The following SLC15A5 variants were observed in gnomAD, a reference collection of about 807,000 sequenced individuals.
The protein encoded by SLC15A5 is solute carrier family 15 member 5.
A neutral mutation model predicts 56.1 loss-of-function variants in SLC15A5; 58 were observed. That is an observed-to-expected ratio of 1.03 (90% confidence interval 0.84 to 1.29). SLC15A5 has a LOEUF of 1.29. Ranked by LOEUF, SLC15A5 falls within the 50% of genes most tolerant of loss-of-function variation. The probability of loss-of-function intolerance (pLI) is 0.00; values close to 1 mark genes in which losing one functional copy is unlikely to be tolerated. For synonymous variants in SLC15A5, 264 were observed against 250.5 expected, an observed-to-expected ratio of 1.05 and a Z score of -0.51; for missense variants, 681 against 672.1, an observed-to-expected ratio of 1.01 and a Z score of -0.15.
chr12:16,273,271 C>CT lies in SLC15A5; in HGVS notation c.362-489dup, dbSNP rs747119195. On this transcript the variant is annotated intron_variant, in intron 1 of 8. Coordinates refer to ENST00000344941, the MANE Select transcript of SLC15A5 (RefSeq NM_001170798.1). ...TATCAGAGTTAGAGGAGAACACAGC[C>CT]TTTTTTTTTTTCTTTCCTACTTCTG... is the stretch of plus-strand genomic sequence containing the variant. Among the ~76,000 whole-genome samples, 406 of 146,350 alleles carry CT rather than the reference C, an allele frequency of 2.8e-3. 2 individuals carry two copies. Among genetic ancestry groups the CT allele is most frequent in the Non-Finnish European group, 4.8e-3 (320 of 66,142 alleles).
rs560359691 is a variant in SLC15A5, at chr12:16,231,577, C to G, written c.1163-6975G>C. Among the ~76,000 whole-genome samples the G allele has an allele frequency of 3.9e-5, 6 of 152,282 alleles. No homozygotes were observed. The South Asian group carries it at 1.2e-3, about 32-fold the overall frequency. ...GGTGGGGTAACACTCAGAAGGAAAACTGCAAGGACTGGTTGAAAGTCTGTG... is the reference window on the plus strand; with the variant it reads ...GGTGGGGTAACACTCAGAAGGAAAAGTGCAAGGACTGGTTGAAAGTCTGTG... On this transcript the variant is annotated intron_variant, in intron 5 of 8. Coordinates refer to ENST00000344941, the MANE Select transcript of SLC15A5 (RefSeq NM_001170798.1).
intron 3 of SLC15A5, among the ~76,000 whole-genome samples, chr12:16,247,464 T>C (rs1380880256): frequency 2.6e-5 from 4 of 152,150 alleles, no homozygotes; most frequent in African/African-American, 4.8e-5. Context: ...AAACTCCTGA[T>C]TCTTCTTTGT....
intron 5 of SLC15A5, among the ~76,000 whole-genome samples, chr12:16,234,824 T>G (rs1864331339): frequency 6.6e-6 from 1 of 152,172 alleles, no homozygotes; most frequent in Non-Finnish European, 1.5e-5. Context: ...GAAGCTGAAC[T>G]TATACTAAAA....
intron 3 of SLC15A5, among the ~76,000 whole-genome samples, chr12:16,255,719 T>C (rs1424529309): frequency 6.6e-6 from 1 of 152,020 alleles, no homozygotes; most frequent in Non-Finnish European, 1.5e-5. Flanking sequence ...CATATGGAAC[T>C]GGTAAAATAA....
chr12:16,224,590 A>G lies in SLC15A5; in HGVS notation c.1175T>C (p.Leu392Pro). 6.5e-7 allele frequency: 1 copy of G among 1,529,774 alleles called. No individual in the cohort carries two copies. Among genetic ancestry groups the G allele is most frequent in the East Asian group, 2.5e-5 (1 of 40,816 alleles). The allele number at this position is 1,529,774 out of a possible 1,614,324, so 94.8% of individuals were successfully genotyped here. ...FLSTCIIAGN[L>P]FAALSVMIAG... ...TATCATCACAGACAATGCAGCAAAA[A>G]GATTTCCAGCAACTGAAGGAAAATA... is the stretch of plus-strand genomic sequence containing the variant. Residue 392 changes from leucine to proline, a missense_variant, in exon 6 of 9, where the codon CTT becomes CCT. Transcript: ENST00000344941.
chr12:16,241,649 T>C (rs1018341856), intron 4 of SLC15A5, among the ~76,000 whole-genome samples: 3 of 152,182 alleles, frequency 2.0e-5, no homozygotes, highest in Admixed American at 2.0e-4. Flanking sequence ...TTATTAAGCA[T>C]GGATCCCCCA....
In SLC15A5 at chr12:16,235,228, A is replaced by G. The variant is rs1864338023; in HGVS notation, c.1162+4453T>C. 6.7e-6 allele frequency among the ~76,000 whole-genome samples: 1 copy of G among 150,004 alleles called. No individual in the cohort carries two copies. Among genetic ancestry groups the G allele is most frequent in the African/African-American group, 2.4e-5 (1 of 40,968 alleles). On this transcript the variant is annotated intron_variant, in intron 5 of 8. Transcript: ENST00000344941. This position sits in a 1 kb window ranked among gnomAD's most constrained non-coding sequence, Gnocchi z 4.1. ...CATGTTTTTATACATAATATATACA[A>G]AACACGACATGTTATAAGTATATAT...
rs917739972 is a variant in SLC15A5 at position 16,235,246 on chromosome 12, GTATA to G, written c.1162+4431_1162+4434del. On this transcript the variant is annotated intron_variant, in intron 5 of 8. Transcript: ENST00000344941. This position sits in a 1 kb window ranked among gnomAD's most constrained non-coding sequence, Gnocchi z 4.1. Reference sequence around the variant, plus strand: ...ATATACAAAACACGACATGTTATAAGTATATATGTGTATATATATGTATATGTAT... The same window carrying G: ...ATATACAAAACACGACATGTTATAAGTATGTGTATATATATGTATATGTAT... Among the ~76,000 whole-genome samples the G allele has an allele frequency of 3.2e-5, 4 of 124,224 alleles. No individual in the cohort carries two copies. The highest frequency in any genetic ancestry group is 1.2e-4 in the African/African-American group (4 of 34,278). 81.5% of individuals were successfully genotyped at this position (124,224 alleles called of 152,430 possible).
At chr12:16,220,263 C>G (rs1864172798) in intron 6 of SLC15A5, among the ~76,000 whole-genome samples, 1 of 152,178 alleles carries the variant, frequency 6.6e-6, no homozygotes, top group African/African-American at 2.4e-5. Flanking sequence ...TTCATGCTGT[C>G]ATCTGCCAAT....
In SLC15A5 at chr12:16,241,658, C is replaced by T. The variant is rs140581107; in HGVS notation, c.976-1791G>A. Among the ~76,000 whole-genome samples the T allele has an allele frequency of 1.3e-3, 196 of 152,282 alleles. 6 individuals are homozygous for T. The East Asian group carries it at 0.027, about 21-fold the overall frequency. On this transcript the variant is annotated intron_variant, in intron 4 of 8. Transcript: ENST00000344941. ...ATAAAATTATTAAGCATGGATCCCC[C>T]ATCGGAGGAAAATGAATGATGTGTT...
chr12:16,272,174 TCC>T (rs1302061693), intron 2 of SLC15A5, among the ~76,000 whole-genome samples: 2 of 152,118 alleles, frequency 1.3e-5, no homozygotes, highest in African/African-American at 4.8e-5. Flanking sequence ...GGAGGTATTA[TCC>T]CCCTTCAGAA....
chr12:16,226,488 A>G (rs1184391415), intron 5 of SLC15A5, among the ~76,000 whole-genome samples: 1 of 152,196 alleles, frequency 6.6e-6, no homozygotes, highest in Non-Finnish European at 1.5e-5. Context: ...AAGTTCAAAT[A>G]TAAAATTATC....
chr12:16,233,272 C>A (rs190346421), intron 5 of SLC15A5, among the ~76,000 whole-genome samples: 4 of 152,004 alleles, frequency 2.6e-5, no homozygotes, highest in South Asian at 2.1e-4. Context: ...TATTTTTTTT[C>A]TCTGTAAAAG....
intron 2 of SLC15A5, among the ~76,000 whole-genome samples, chr12:16,260,887 T>C (rs977089112): frequency 2.0e-5 from 3 of 152,126 alleles, no homozygotes; most frequent in African/African-American, 7.2e-5. Context: ...TACAATACCA[T>C]TTATTGAGAA....
At chr12:16,192,711 T>C (rs1308337578) in intron 8 of SLC15A5, among the ~76,000 whole-genome samples, 1 of 152,088 alleles carries the variant, frequency 6.6e-6, no homozygotes, top group Non-Finnish European at 1.5e-5. Flanking sequence ...ACCTGAACTC[T>C]GTGCATGACT....
chr12:16,189,293 T>A lies in SLC15A5; in HGVS notation c.*375A>T, dbSNP rs1303232909. On this transcript the variant is annotated 3_prime_UTR_variant, in exon 9 of 9. Coordinates refer to ENST00000344941, the MANE Select transcript of SLC15A5 (RefSeq NM_001170798.1). Reference sequence around the variant, plus strand: ...ACTAAGTGTATTGAAAGAGAGTATATTAAAATACTGTCATTTTGCTTCTAA... The same window carrying A: ...ACTAAGTGTATTGAAAGAGAGTATAATAAAATACTGTCATTTTGCTTCTAA... 2 of 155,482 alleles carry A rather than the reference T, an allele frequency of 1.3e-5. No homozygotes were observed. Among genetic ancestry groups the A allele is most frequent in the African/African-American group, 4.8e-5 (2 of 41,584 alleles). The allele number at this position is 155,482 out of a possible 1,614,324, so 9.6% of individuals were successfully genotyped here.
rs36053667 is a variant in SLC15A5, at chr12:16,238,629, CAAAAAA to C, written c.1162+1046_1162+1051del. 2.6e-5 allele frequency among the ~76,000 whole-genome samples: 3 copies of C among 116,084 alleles called. No homozygotes were observed. The Admixed American group carries it at 2.9e-4, about 11-fold the overall frequency. The allele number at this position is 116,084 out of a possible 152,430, so 76.2% of individuals were successfully genotyped here. ...TGGGCGACAGAGCGAGACTCCGTCT[CAAAAAA>C]AAAAAAAAAAAATAAGAACAGGTTA... On this transcript the variant is annotated intron_variant, in intron 5 of 8. Transcript: ENST00000344941.
chr12:16,192,897 T>C lies in SLC15A5; in HGVS notation c.1592+1448A>G, dbSNP rs556644672. On this transcript the variant is annotated intron_variant, in intron 8 of 8. Coordinates refer to ENST00000344941, the MANE Select transcript of SLC15A5 (RefSeq NM_001170798.1). ...TTACTATTTTTATCATTTCCATTTTTCAAATGAAGTAACTGAGGTTTAGCA... is the reference window on the plus strand; with the variant it reads ...TTACTATTTTTATCATTTCCATTTTCCAAATGAAGTAACTGAGGTTTAGCA... Among the ~76,000 whole-genome samples, 4 of 152,264 alleles carry C rather than the reference T, an allele frequency of 2.6e-5. No homozygotes were observed. The East Asian group carries it at 5.8e-4, about 22-fold the overall frequency.
At chr12:16,258,775 A>T (rs1864605778) in intron 2 of SLC15A5, among the ~76,000 whole-genome samples, 1 of 152,136 alleles carries the variant, frequency 6.6e-6, no homozygotes, top group Non-Finnish European at 1.5e-5. Flanking sequence ...GGCTCTGATC[A>T]ACTCAAGTCA....
Sources: gnomAD v4.1 joint callset for allele counts (sites outside exome capture counted in the v4.1 genomes callset) on GRCh38, gnomAD v4.1.1 for gene constraint, Gnocchi (gnomAD v3.1) non-coding constraint, MANE v1.5 for transcripts, NCBI Gene and HGNC (gene_info 2026-07-23, HGNC 2026-07-21) for gene names.